The following ANK3 variants were observed in gnomAD, a reference collection of about 807,000 sequenced individuals.
ANK3 encodes ankyrin 3.
In ANK3, 57 loss-of-function variants were observed where a neutral mutation model predicts 370.9. The observed-to-expected ratio is 0.15, with a 90% CI of 0.12 to 0.19. The LOEUF (loss-of-function observed/expected upper bound fraction) is 0.19, where lower values mean the gene tolerates loss of function less well. Among genes scored for constraint, ANK3 ranks in the 10% least tolerant of loss-of-function variants. The pLI is 1.00. For synonymous variants in ANK3, 1,929 were observed against 1,946.3 expected (o/e 0.99, Z 0.23); for missense variants, 4,439 against 5,302.1 (o/e 0.84, Z 5.06).
Position 60,581,615 on chromosome 10 carries a change from T to G in ANK3, c.96+33571A>C, listed in dbSNP as rs967929324. On this transcript the variant is annotated intron_variant, in intron 2 of 43. Transcript: ENST00000373827. ...AATTATTATTTTTTTTTTTTTGTAG[T>G]TTTTAGTAGAGATGGGGTTTCATCA... is the stretch of plus-strand genomic sequence containing the variant. Among the ~76,000 whole-genome samples, 8 of 150,570 alleles carry G rather than the reference T, an allele frequency of 5.3e-5. No individual in the cohort carries two copies. The East Asian group carries it at 5.9e-4, about 11-fold the overall frequency.
Position 60,073,959 on chromosome 10 carries a change from C to T in ANK3, c.6922G>A (p.Ala2308Thr), listed in dbSNP as rs532708912. 99 of 1,613,908 alleles carry T rather than the reference C, an allele frequency of 6.1e-5. 1 individual carries two copies. In the South Asian group the frequency reaches 1.1e-3, roughly 18 times the overall value. ...GCATGCTGGGCTGAGGTTTCAGCAG[C>T]AGACTTGTGAACATCTGGAGACACT... ...SAVSPDVHKS[A>T]AETSAQHAEK... Residue 2308 changes from alanine to threonine, a missense_variant, in exon 37 of 44, where the codon GCT (alanine) becomes ACT (threonine). Coordinates refer to ENST00000280772, the MANE Select transcript of ANK3 (RefSeq NM_020987.5).
chr10:60,081,308 C>T (rs1181848728), intron 35 of ANK3, among the ~76,000 whole-genome samples: 1 of 152,192 alleles, frequency 6.6e-6, no homozygotes, highest in African/African-American at 2.4e-5. Context: ...TGGTGTCGAA[C>T]TCCTGACCTC....
At chr10:60,234,879 C>A (rs1010110032) in intron 7 of ANK3, 93 bp from the exon 8 acceptor site, 58 of 743,388 alleles carry the variant, frequency 7.8e-5, no homozygotes, top group Non-Finnish European at 5.7e-5. Context: ...CCATTTCCCC[C>A]TCTCCTTTTC....
At chr10:60,170,226 C>T (rs1472300168) in intron 21 of ANK3, among the ~76,000 whole-genome samples, 1 of 152,194 alleles carries the variant, frequency 6.6e-6, no homozygotes, top group Non-Finnish European at 1.5e-5. Flanking sequence ...CCGTCTTTCT[C>T]AGCATTGCCA....
At chr10:60,257,998 A>G (rs1555207238) in intron 7 of ANK3, among the ~76,000 whole-genome samples, 1 of 152,252 alleles carries the variant, frequency 6.6e-6, no homozygotes, top group Non-Finnish European at 1.5e-5. Context: ...AAATTCAGCC[A>G]GCAAAGTATT....
At chr10:60,408,230 T>TC (rs1302441545) in intron 2 of ANK3, among the ~76,000 whole-genome samples, 3 of 152,212 alleles carry the variant, frequency 2.0e-5, no homozygotes, top group Non-Finnish European at 4.4e-5. Flanking sequence ...TGGATCTGTG[T>TC]CCCCACCCAT....
At chr10:60,044,042 C>G in intron 42 of ANK3, 1 of 985,802 alleles carries the variant, frequency 1.0e-6, no homozygotes, top group Non-Finnish European at 1.2e-6. Context: ...CTTTTGTCCT[C>G]TACATTCTCT....
intron 1 of ANK3, among the ~76,000 whole-genome samples, chr10:60,706,487 C>G (rs926271544): frequency 6.6e-6 from 1 of 152,024 alleles, no homozygotes; most frequent in Non-Finnish European, 1.5e-5. Flanking sequence ...GATAAGCTCT[C>G]TCACCAATAA....
At chr10:60,267,220 T>C (rs137962115) in intron 5 of ANK3, among the ~76,000 whole-genome samples, 1 of 152,242 alleles carries the variant, frequency 6.6e-6, no homozygotes, top group East Asian at 1.9e-4. Context: ...GTTCTGTAAA[T>C]ACAGACTTCT....
At chr10:60,140,559 CCACT>C in intron 23 of ANK3, 1 of 1,386,198 alleles carries the variant, frequency 7.2e-7, no homozygotes, top group Middle Eastern at 1.9e-4. Flanking sequence ...ACATCTTTCC[CCACT>C]CAGAGTTCGA....
chr10:60,405,489 G>C (rs557489596), intron 2 of ANK3, among the ~76,000 whole-genome samples: 10 of 152,282 alleles, frequency 6.6e-5, no homozygotes, highest in African/African-American at 2.4e-4. Context: ...TTCTGGGAGT[G>C]GAGTGAGGTG....
intron 40 of ANK3, chr10:60,060,167 T>C: frequency 1.9e-6 from 1 of 516,174 alleles, no homozygotes; most frequent in Non-Finnish European, 3.2e-6. Context: ...TGTAACACAA[T>C]GAAATAAAAA....
rs1366940195 is a variant in ANK3, at chr10:60,571,467, G to A, written c.96+43719C>T. Among the ~76,000 whole-genome samples, 4 of 152,278 alleles carry A rather than the reference G, an allele frequency of 2.6e-5. No individual in the cohort carries two copies. The East Asian group carries it at 7.7e-4, about 29-fold the overall frequency. Reference sequence around the variant, plus strand: ...ACCATTCTGTATGTGTCCACTGTCTGAGCATACATTACATTGGGCCAAGGA... The same window carrying A: ...ACCATTCTGTATGTGTCCACTGTCTAAGCATACATTACATTGGGCCAAGGA... On this transcript the variant is annotated intron_variant, in intron 2 of 43. Transcript: ENST00000373827.
intron 43 of ANK3, among the ~76,000 whole-genome samples, chr10:60,032,194 CTTT>C (rs552219776): frequency 7.9e-4 from 34 of 43,124 alleles, no homozygotes; most frequent in South Asian, 1.0e-3. Context: ...TACACAGCTT[CTTT>C]TTTTTTTTTT....
At chr10:60,283,589 T>G (rs2132721027) in intron 1 of ANK3, among the ~76,000 whole-genome samples, 1 of 152,288 alleles carries the variant, frequency 6.6e-6, no homozygotes, top group South Asian at 2.1e-4. Flanking sequence ...AAATGAAAGT[T>G]TATTTTATTA....
chr10:60,575,796 G>A (rs1181973709), intron 2 of ANK3, among the ~76,000 whole-genome samples: 1 of 151,906 alleles, frequency 6.6e-6, no homozygotes, highest in Non-Finnish European at 1.5e-5. Flanking sequence ...TTCATTTAAG[G>A]GTTGAAAAAT....
chr10:60,189,239 T>C (rs1467588559), intron 16 of ANK3, among the ~76,000 whole-genome samples: 1 of 152,156 alleles, frequency 6.6e-6, no homozygotes, highest in Admixed American at 6.5e-5. Flanking sequence ...ATGCCTGTAG[T>C]CTCAGCTACT....
At chr10:60,485,001 T>A (rs2075314452) in intron 2 of ANK3, among the ~76,000 whole-genome samples, 1 of 152,040 alleles carries the variant, frequency 6.6e-6, no homozygotes, top group African/African-American at 2.4e-5. Context: ...TTGATGACCA[T>A]GAGAATCATC....
intron 1 of ANK3, among the ~76,000 whole-genome samples, chr10:60,301,289 TACAC>T (rs1227552539): frequency 1.3e-5 from 2 of 148,218 alleles, no homozygotes; most frequent in Non-Finnish European, 3.0e-5. Context: ...CGCACACATA[TACAC>T]ACACATACAT....
Sources: allele counts gnomAD v4.1 joint callset (sites outside exome capture counted in the v4.1 genomes callset), GRCh38; gene constraint gnomAD v4.1.1; transcripts MANE v1.5; gene names NCBI Gene and HGNC (gene_info 2026-07-23, HGNC 2026-07-21).